MYO1E: variants seen among roughly 807,000 people sequenced by gnomAD.
MYO1E encodes the protein unconventional myosin-Ie.
In MYO1E, 68 loss-of-function variants were observed where a neutral mutation model predicts 151.1. That is an observed-to-expected ratio of 0.45 (90% CI 0.37 to 0.55). The LOEUF is 0.55. Among genes scored for constraint, MYO1E ranks in the 20% least tolerant of loss-of-function variants. MYO1E has a pLI of 0.00. For synonymous variants in MYO1E, 601 were observed against 501.7 expected, an observed-to-expected ratio of 1.20 and a Z score of -2.64; for missense variants, 1,363 against 1,389.3, an observed-to-expected ratio of 0.98 and a Z score of 0.30.
intron 1 of MYO1E, among the ~76,000 whole-genome samples, chr15:59,336,607 T>C (rs1265454700): frequency 7.2e-5 from 11 of 152,170 alleles, no homozygotes; most frequent in Admixed American, 7.2e-4. Flanking sequence ...TTTTGTTTTG[T>C]TTTTTAATTA....
At chr15:59,221,055 C>T (rs1183840461) in intron 9 of MYO1E, among the ~76,000 whole-genome samples, 1 of 143,372 alleles carries the variant, frequency 7.0e-6, no homozygotes, top group African/African-American at 2.6e-5. Flanking sequence ...TATACACACA[C>T]ATAATTTTTT....
intron 26 of MYO1E, 116 bp downstream of exon 26, chr15:59,153,474 G>T: frequency 8.4e-7 from 1 of 1,187,370 alleles, no homozygotes; most frequent in Non-Finnish European, 1.2e-6. Flanking sequence ...GCACTGAGGT[G>T]GAAAACTAAA....
At chr15:59,324,285 G>C (rs1199698566) in intron 1 of MYO1E, among the ~76,000 whole-genome samples, 1 of 152,038 alleles carries the variant, frequency 6.6e-6, no homozygotes, top group Non-Finnish European at 1.5e-5. Flanking sequence ...TCCGTTAAGA[G>C]AGAATATGTT....
chr15:59,221,532 C>T (rs983563990), intron 9 of MYO1E, among the ~76,000 whole-genome samples: 4 of 152,266 alleles, frequency 2.6e-5, no homozygotes, highest in East Asian at 3.9e-4. Context: ...CCCCCTCAAG[C>T]CACGTTAATG....
intron 26 of MYO1E, among the ~76,000 whole-genome samples, chr15:59,144,724 C>T (rs1219666516): frequency 6.6e-6 from 1 of 152,196 alleles, no homozygotes; most frequent in Non-Finnish European, 1.5e-5. Flanking sequence ...CTGGAAGCCA[C>T]CTTGGAACAC....
At chr15:59,206,995 G>A in intron 14 of MYO1E, 1 of 1,614,212 alleles carries the variant, frequency 6.2e-7, no homozygotes, top group Non-Finnish European at 8.5e-7. Flanking sequence ...CTCGGTGGGA[G>A]CGAATTTCCT....
chr15:59,144,055 G>A lies in MYO1E; in HGVS notation c.3081-5688C>T, dbSNP rs182431366. 7.2e-4 allele frequency among the ~76,000 whole-genome samples: 109 copies of A among 152,322 alleles called. 2 individuals are homozygous for A. Among genetic ancestry groups the A allele is most frequent in the Middle Eastern group, 3.4e-3 (1 of 294 alleles). On this transcript the variant is annotated intron_variant, in intron 26 of 27. Transcript: ENST00000288235. ...TGACAGTGTGTAGCAGGAGGGGGACGTGGGCTTGAGTCTGTGTGCTGGGTT... is the reference window on the plus strand; with the variant it reads ...TGACAGTGTGTAGCAGGAGGGGGACATGGGCTTGAGTCTGTGTGCTGGGTT...
chr15:59,302,299 T>G (rs149976384), intron 1 of MYO1E, among the ~76,000 whole-genome samples: 4 of 152,158 alleles, frequency 2.6e-5, no homozygotes, highest in Non-Finnish European at 5.9e-5. Flanking sequence ...CACCCCAAAA[T>G]AGACCTTCTA....
chr15:59,321,691 G>C (rs2080627157), intron 1 of MYO1E, among the ~76,000 whole-genome samples: 1 of 152,172 alleles, frequency 6.6e-6, no homozygotes, highest in African/African-American at 2.4e-5. Flanking sequence ...AGGCAGGAGA[G>C]AGGGAGGTGG....
rs531205485 is a variant in MYO1E, at chr15:59,233,094, A to G, written c.421-1303T>C. ...TGTAAAATCTATTTTGAGTTTGTGG[A>G]TCTTCATTAACTCTTTCTATCTTTT... On this transcript the variant is annotated intron_variant, in intron 5 of 27. Transcript: ENST00000288235. 3.2e-3 allele frequency among the ~76,000 whole-genome samples: 312 copies of G among 96,276 alleles called. 2 individuals carry two copies. The highest frequency in any genetic ancestry group is 0.012 in the African/African-American group (295 of 25,298). The allele number at this position is 96,276 out of a possible 152,430, so 63.2% of individuals were successfully genotyped here.
intron 1 of MYO1E, among the ~76,000 whole-genome samples, chr15:59,297,062 C>G (rs4293319): frequency 0.66 from 48,771 of 73,862 alleles, 19,579 homozygotes; most frequent in South Asian, 0.88. Flanking sequence ...CTGTGTTAGC[C>G]AGGATGGTCT....
At chr15:59,207,036 A>T (rs1351548866) in intron 14 of MYO1E, 7 of 1,614,118 alleles carry the variant, frequency 4.3e-6, no homozygotes, top group South Asian at 1.1e-5. Context: ...GTCCGCGTCA[A>T]GCAACGCGCA....
chr15:59,330,989 C>G (rs1401235364), intron 1 of MYO1E, among the ~76,000 whole-genome samples: 2 of 152,134 alleles, frequency 1.3e-5, no homozygotes, highest in African/African-American at 4.8e-5. Context: ...ATGCTGCTCT[C>G]GAACTCCTGG....
intron 12 of MYO1E, among the ~76,000 whole-genome samples, chr15:59,213,344 T>C (rs2079892822): frequency 6.6e-6 from 1 of 151,920 alleles, no homozygotes; most frequent in Non-Finnish European, 1.5e-5. Context: ...CTAATTTTTG[T>C]ATTTTTAGTA....
At chr15:59,200,121 G>A (rs2079791978) in intron 16 of MYO1E, among the ~76,000 whole-genome samples, 1 of 152,146 alleles carries the variant, frequency 6.6e-6, no homozygotes, top group South Asian at 2.1e-4. Context: ...GCATACGAAG[G>A]AAAGAAAGGG....
chr15:59,365,766 A>G (rs1013052622), intron 1 of MYO1E, among the ~76,000 whole-genome samples: 1 of 151,802 alleles, frequency 6.6e-6, no homozygotes, highest in Admixed American at 6.6e-5. Flanking sequence ...CCTCCTTCAG[A>G]GCAGTTCTTA....
rs1322527969 is a variant in MYO1E at position 59,293,029 on chromosome 15, C to T, written c.4-20580G>A. Among the ~76,000 whole-genome samples, 44 of 152,120 alleles carry T rather than the reference C, an allele frequency of 2.9e-4. 1 individual carries two copies. Among genetic ancestry groups the T allele is most frequent in the Admixed American group, 6.6e-5 (1 of 15,266 alleles). On this transcript the variant is annotated intron_variant, in intron 1 of 27. Transcript: ENST00000288235. Reference sequence around the variant, plus strand: ...TGGGGAAGCCACTTTTCTGGAGTTGCACAGGGAGGCATGGGGGTACCATTG... The same window carrying T: ...TGGGGAAGCCACTTTTCTGGAGTTGTACAGGGAGGCATGGGGGTACCATTG...
At chr15:59,283,054 G>A (rs2080366916) in intron 1 of MYO1E, among the ~76,000 whole-genome samples, 1 of 147,668 alleles carries the variant, frequency 6.8e-6, no homozygotes, top group African/African-American at 2.5e-5. Flanking sequence ...ATCCTCCAGG[G>A]CACAAAAAGG....
At chr15:59,149,049 T>G (rs1436573057) in intron 26 of MYO1E, among the ~76,000 whole-genome samples, 48 of 55,930 alleles carry the variant, frequency 8.6e-4, no homozygotes, top group African/African-American at 1.5e-3. Context: ...TTTTTTTTTT[T>G]TTGTTTTTTT....
Sources: allele counts gnomAD v4.1 joint callset (sites outside exome capture counted in the v4.1 genomes callset), GRCh38; gene constraint gnomAD v4.1.1; transcripts MANE v1.5; gene names NCBI Gene and HGNC (gene_info 2026-07-23, HGNC 2026-07-21).